ZNF804B: variants seen among roughly 807,000 people sequenced by gnomAD.
ZNF804B encodes zinc finger protein 804B.
In ZNF804B, 80 loss-of-function variants were observed where a neutral mutation model predicts 101.4. The observed-to-expected ratio is 0.79, with a 90% CI of 0.66 to 0.95. The LOEUF (loss-of-function observed/expected upper bound fraction) is 0.95. Among genes scored for constraint, ZNF804B ranks in the 40% least tolerant of loss-of-function variants. The pLI is 0.00. For synonymous variants in ZNF804B, 622 were observed against 558.8 expected, an observed-to-expected ratio of 1.11 and a Z score of -1.59; for missense variants, 1,673 against 1,561.9, an observed-to-expected ratio of 1.07 and a Z score of -1.20.
At chr7:89,320,775 A>G (rs1249153508) in intron 2 of ZNF804B, among the ~76,000 whole-genome samples, 1 of 152,152 alleles carries the variant, frequency 6.6e-6, no homozygotes. Flanking sequence ...CCAAGGGGAT[A>G]AAAAAGAAAC....
At chr7:89,285,200 C>T (rs1407936479) in intron 2 of ZNF804B, among the ~76,000 whole-genome samples, 1 of 151,338 alleles carries the variant, frequency 6.6e-6, no homozygotes, top group Non-Finnish European at 1.5e-5. Flanking sequence ...GCTTGGGCAA[C>T]AGAGCAAGAC....
At chr7:89,105,124 A>C (rs1048850381) in intron 1 of ZNF804B, among the ~76,000 whole-genome samples, 1 of 152,056 alleles carries the variant, frequency 6.6e-6, no homozygotes, top group Admixed American at 6.6e-5. Context: ...TAGTAACCAC[A>C]GGTCTCAGAG....
intron 2 of ZNF804B, among the ~76,000 whole-genome samples, chr7:89,223,130 G>T (rs1275897361): frequency 6.6e-6 from 1 of 151,730 alleles, no homozygotes; most frequent in African/African-American, 2.4e-5. Flanking sequence ...TGGAAATTTG[G>T]CTATTTTTTG....
intron 1 of ZNF804B, among the ~76,000 whole-genome samples, chr7:88,975,981 T>A (rs1339280694): frequency 2.0e-5 from 3 of 151,692 alleles, no homozygotes; most frequent in African/African-American, 7.2e-5. Context: ...TTCATTCTTC[T>A]GCATATGCAT....
In ZNF804B at chr7:88,759,927, GC is replaced by G. The variant is rs1436186253; in HGVS notation, c.-49del. ...CTGAGAAACCCGCCCGCTTTCCACG[GC>G]TGGTCGCCTGGTGAGGAGTTGAGAC... On this transcript the variant is annotated 5_prime_UTR_variant, in exon 1 of 4. Coordinates refer to ENST00000333190, the MANE Select transcript of ZNF804B (RefSeq NM_181646.5). The G allele has an allele frequency of 6.5e-7, 1 of 1,535,876 alleles. No homozygotes were observed. The highest frequency in any genetic ancestry group is 1.7e-5 in the Admixed American group (1 of 59,012).
intron 1 of ZNF804B, among the ~76,000 whole-genome samples, chr7:89,160,964 A>G (rs1325377050): frequency 1.3e-5 from 2 of 152,144 alleles, no homozygotes; most frequent in Non-Finnish European, 2.9e-5. Flanking sequence ...GTGTCCAAAC[A>G]CTGCAATTTC....
At chr7:88,861,916 T>C (rs17164834) in intron 1 of ZNF804B, among the ~76,000 whole-genome samples, 13,243 of 152,124 alleles carry the variant, frequency 0.087, 831 homozygotes, top group African/African-American at 0.17. Flanking sequence ...GATGCAGCCA[T>C]GTGGGATGGA....
At chr7:89,127,896 G>A (rs2057676) in intron 1 of ZNF804B, among the ~76,000 whole-genome samples, 114,277 of 151,308 alleles carry the variant, frequency 0.76, 44,022 homozygotes, top group African/African-American at 0.91. Context: ...CTGTAAGTAT[G>A]TATAATTATT....
intron 1 of ZNF804B, among the ~76,000 whole-genome samples, chr7:88,808,217 AC>A (rs1377320885): frequency 1.5e-4 from 23 of 151,876 alleles, no homozygotes; most frequent in African/African-American, 5.6e-4. Context: ...CATGGTGAAA[AC>A]CCTTCTACTA....
At chr7:89,206,416 A>C (rs1362474764) in intron 1 of ZNF804B, among the ~76,000 whole-genome samples, 1 of 152,136 alleles carries the variant, frequency 6.6e-6, no homozygotes, top group Non-Finnish European at 1.5e-5. Flanking sequence ...TTCCCTTGTA[A>C]ACATAAGCTC....
At chr7:88,874,098 A>G (rs1181263210) in intron 1 of ZNF804B, among the ~76,000 whole-genome samples, 1 of 152,178 alleles carries the variant, frequency 6.6e-6, no homozygotes, top group East Asian at 1.9e-4. Context: ...CTTCCTACCC[A>G]TGAGCATGGA....
At chr7:89,049,493 A>G (rs1035303515) in intron 1 of ZNF804B, among the ~76,000 whole-genome samples, 7 of 152,122 alleles carry the variant, frequency 4.6e-5, no homozygotes, top group Non-Finnish European at 8.8e-5. Context: ...CACCACAGAA[A>G]CTGGAAAATG....
intron 1 of ZNF804B, among the ~76,000 whole-genome samples, chr7:88,855,535 T>G (rs377006950): frequency 0.051 from 7,701 of 152,090 alleles, 484 homozygotes; most frequent in African/African-American, 0.14. Flanking sequence ...TTGCAAAAAT[T>G]TTCTCCCATT....
At chr7:89,030,244 T>C (rs1267029530) in intron 1 of ZNF804B, among the ~76,000 whole-genome samples, 1 of 152,170 alleles carries the variant, frequency 6.6e-6, no homozygotes, top group African/African-American at 2.4e-5. Context: ...TAGTTTAGTG[T>C]CATCTGAAGT....
intron 1 of ZNF804B, among the ~76,000 whole-genome samples, chr7:88,947,519 G>A (rs889012435): frequency 6.6e-6 from 1 of 151,828 alleles, no homozygotes; most frequent in East Asian, 2.0e-4. Context: ...CTGTCAGGTG[G>A]TGGGGGGCTA....
Position 88,768,659 on chromosome 7 carries a change from C to T in ZNF804B, c.108+8575C>T, listed in dbSNP as rs549936484. ...CTTGAAACTGGGAGGCAGAAGTTGC[C>T]ATGAGCCGAGATAGCACCACTGCAC... On this transcript the variant is annotated intron_variant, in intron 1 of 3. Coordinates refer to ENST00000333190, the MANE Select transcript of ZNF804B (RefSeq NM_181646.5). Among the ~76,000 whole-genome samples, 3 of 152,254 alleles carry T rather than the reference C, an allele frequency of 2.0e-5. No individual in the cohort carries two copies. The East Asian group carries it at 5.8e-4, about 29-fold the overall frequency.
At chr7:89,249,029 TAAAAAA>T (rs58553222) in intron 2 of ZNF804B, among the ~76,000 whole-genome samples, 1 of 119,234 alleles carries the variant, frequency 8.4e-6, no homozygotes, top group African/African-American at 3.0e-5. Flanking sequence ...CCAATAACAG[TAAAAAA>T]AAAAAAAAAA....
chr7:89,166,914 C>A (rs1305380665), intron 1 of ZNF804B, among the ~76,000 whole-genome samples: 1 of 152,108 alleles, frequency 6.6e-6, no homozygotes, highest in African/African-American at 2.4e-5. Context: ...ATTAATACTG[C>A]ATCTTTACAT....
chr7:89,121,713 G>T (rs547375117), intron 1 of ZNF804B, among the ~76,000 whole-genome samples: 2 of 152,198 alleles, frequency 1.3e-5, no homozygotes, highest in African/African-American at 2.4e-5. Context: ...TTACCCAGAG[G>T]TATAGAATTA....
Sources: allele counts gnomAD v4.1 joint callset (sites outside exome capture counted in the v4.1 genomes callset), GRCh38; gene constraint gnomAD v4.1.1; transcripts MANE v1.5; gene names NCBI Gene and HGNC (gene_info 2026-07-23, HGNC 2026-07-21).